Variants in NBAS observed in about 807,000 individuals in gnomAD.
The protein encoded by NBAS is NBAS subunit of NRZ tethering complex.
NBAS carries 219 observed loss-of-function variants against 302.5 expected under a neutral mutation model. The observed-to-expected ratio is 0.72, with a 90% CI of 0.65 to 0.81. The LOEUF is 0.81. NBAS is among the 30% of genes least tolerant of loss of function. The pLI is 0.00. For missense variants in NBAS, 2,932 were observed against 2,841.6 expected (o/e 1.03, Z -0.72); for synonymous variants, 1,118 against 1,021.6 (o/e 1.09, Z -1.80).
intron 43 of NBAS, 35 bp from the exon 44 acceptor site, chr2:15,275,853 C>A: frequency 6.4e-7 from 1 of 1,572,982 alleles, no homozygotes; most frequent in Non-Finnish European, 8.7e-7. Flanking sequence ...GTAAGTGGTT[C>A]ATTCCAATGT....
At chr2:14,841,055 C>T in the NBAS span, among the ~76,000 whole-genome samples, 77,089 of 151,564 alleles carry the variant, frequency 0.51, 20,347 homozygotes, top group African/African-American at 0.66. Context: ...AGTTAAAATA[C>T]CAATTTTTTA....
chr2:15,089,980 C>T, the NBAS span, among the ~76,000 whole-genome samples: 3 of 152,120 alleles, frequency 2.0e-5, no homozygotes, highest in African/African-American at 7.2e-5. Flanking sequence ...GAACTCCTGA[C>T]CTCATGATCC....
intron 31 of NBAS, among the ~76,000 whole-genome samples, chr2:15,367,424 T>C (rs1172625451): frequency 2.6e-5 from 4 of 152,130 alleles, no homozygotes; most frequent in African/African-American, 4.8e-5. Context: ...ACTACGATAA[T>C]AGCAACTGAT....
At chr2:15,344,742 A>C (rs1400935903) in intron 35 of NBAS, among the ~76,000 whole-genome samples, 1 of 152,224 alleles carries the variant, frequency 6.6e-6, no homozygotes, top group Non-Finnish European at 1.5e-5. Flanking sequence ...TCGCTGATGA[A>C]CATCAACGCG....
chr2:15,092,360 A>G, the NBAS span, among the ~76,000 whole-genome samples: 4 of 152,188 alleles, frequency 2.6e-5, no homozygotes, highest in African/African-American at 9.7e-5. Flanking sequence ...TAAATTATGC[A>G]CCTTTGGCAA....
At chr2:15,070,344 G>A in the NBAS span, among the ~76,000 whole-genome samples, 2 of 152,136 alleles carry the variant, frequency 1.3e-5, no homozygotes, top group African/African-American at 4.8e-5. Context: ...CTTGTAACAA[G>A]AATAAAACTC....
chr2:14,788,286 G>A, the NBAS span, among the ~76,000 whole-genome samples: 1 of 152,142 alleles, frequency 6.6e-6, no homozygotes. Context: ...TGTAGCCGGA[G>A]TAGTTTGATT....
chr2:15,066,293 T>C, the NBAS span, among the ~76,000 whole-genome samples: 2 of 152,200 alleles, frequency 1.3e-5, no homozygotes, highest in Non-Finnish European at 2.9e-5. Context: ...AAAACCTTCA[T>C]GACATTGATC....
chr2:14,841,948 C>T, the NBAS span, among the ~76,000 whole-genome samples: 1 of 151,842 alleles, frequency 6.6e-6, no homozygotes, highest in East Asian at 1.9e-4. Context: ...GGATGCAAAA[C>T]AAGTCTCAAA....
chr2:15,242,194 TGA>T (rs1454049100), intron 44 of NBAS, among the ~76,000 whole-genome samples: 1 of 152,238 alleles, frequency 6.6e-6, no homozygotes, highest in Non-Finnish European at 1.5e-5. Flanking sequence ...CTGTAGGTTA[TGA>T]GAGACAGGTG....
the NBAS span, among the ~76,000 whole-genome samples, chr2:14,788,645 T>G: frequency 6.6e-6 from 1 of 152,336 alleles, no homozygotes; most frequent in East Asian, 1.9e-4. Flanking sequence ...CAGAATTTCA[T>G]GAACCACAAA....
chr2:15,149,761 C>A, the NBAS span, among the ~76,000 whole-genome samples: 10 of 152,242 alleles, frequency 6.6e-5, no homozygotes, highest in African/African-American at 2.4e-4. Flanking sequence ...CACACCCAGC[C>A]TTGATCCTAT....
chr2:14,779,948 C>T, the NBAS span, among the ~76,000 whole-genome samples: 37 of 152,072 alleles, frequency 2.4e-4, no homozygotes, highest in Admixed American at 3.9e-4. Flanking sequence ...CCCAAAGGGC[C>T]CATTTCTTTG....
the NBAS span, among the ~76,000 whole-genome samples, chr2:15,154,455 T>C: frequency 6.6e-6 from 1 of 152,200 alleles, no homozygotes; most frequent in Non-Finnish European, 1.5e-5. Context: ...TCTAGCTCCA[T>C]TGCCTCATTG....
At chr2:15,238,399 TAACTTTCA>T in intron 45 of NBAS, 61 bp downstream of exon 45, 1 of 1,492,804 alleles carries the variant, frequency 6.7e-7, no homozygotes, top group Non-Finnish European at 9.2e-7. Flanking sequence ...ACGACTAATG[TAACTTTCA>T]AGGAAAAAAG....
At chr2:15,084,433 TTTG>T in the NBAS span, among the ~76,000 whole-genome samples, 1 of 152,160 alleles carries the variant, frequency 6.6e-6, no homozygotes, top group Admixed American at 6.5e-5. Context: ...ATAGCTATCA[TTTG>T]TTAATTAATC....
At chr2:14,853,071 G>C in the NBAS span, among the ~76,000 whole-genome samples, 1 of 141,638 alleles carries the variant, frequency 7.1e-6, no homozygotes, top group Non-Finnish European at 1.5e-5. Context: ...ATTGACAAAT[G>C]GGATCTAATT....
the NBAS span, among the ~76,000 whole-genome samples, chr2:15,007,363 G>T: frequency 1.3e-5 from 2 of 152,080 alleles, no homozygotes; most frequent in African/African-American, 4.8e-5. Context: ...CAATGTTTTT[G>T]ATTTTCCCTC....
At chr2:14,793,090 C>T in the NBAS span, among the ~76,000 whole-genome samples, 2 of 152,194 alleles carry the variant, frequency 1.3e-5, no homozygotes, top group Non-Finnish European at 2.9e-5. Context: ...CTCTCTCTCT[C>T]TCTCTCTCTG....
Sources: gnomAD v4.1 joint callset for allele counts (sites outside exome capture counted in the v4.1 genomes callset) on GRCh38, gnomAD v4.1.1 for gene constraint, MANE v1.5 for transcripts, NCBI Gene and HGNC (gene_info 2026-07-23, HGNC 2026-07-21) for gene names.